MELTF: variants seen among roughly 807,000 people sequenced by gnomAD.
MELTF encodes antigen p97 (melanoma associated) identified by monoclonal antibodies 133.2 and 96.5.
A neutral mutation model predicts 83.7 loss-of-function variants in MELTF; 67 were observed. The ratio of observed to expected loss-of-function variants is 0.80; its 90% CI spans 0.66 to 0.98. The LOEUF is 0.98. MELTF is among the 50% of genes least tolerant of loss of function. The pLI is 0.00. For synonymous variants in MELTF, 462 were observed against 447.6 expected (o/e 1.03, Z -0.41); for missense variants, 1,002 against 1,035.6 (o/e 0.97, Z 0.44).
At position 197,026,686 on chromosome 3, in the gene MELTF, G is replaced by T; in HGVS notation, c.278C>A (p.Pro93Gln). The change falls in exon 3 of 16, where the codon CCG (proline) becomes CAG (glutamine). Residue 93 changes from proline (P) to glutamine (Q), a missense_variant. By Grantham distance (76) the Pro-to-Gln change is moderately conservative (BLOSUM62 -1). Coordinates refer to ENST00000296350, the MANE Select transcript of MELTF (RefSeq NM_005929.6). ...TTGATCGTACACTTCGCCCACCACC[G>T]GCTTCAGGCCGTGCTCCTTTCCCGC... The part of the protein sequence containing the change: ...YEAGKEHGLK[P>Q]VVGEVYDQEV... 1 of 1,613,454 alleles carries T rather than the reference G, an allele frequency of 6.2e-7. No individual in the cohort carries two copies. The highest frequency in any genetic ancestry group is 1.3e-5 in the African/African-American group (1 of 75,070).
chr3:197,026,004 G>A (rs1251583008), intron 3 of MELTF: 1 of 152,716 alleles, frequency 6.5e-6, no homozygotes, highest in Non-Finnish European at 1.5e-5. Flanking sequence ...GCCAAGCAGA[G>A]GTGGCGGGGG....
At chr3:197,018,661 G>C (rs771039302) in intron 6 of MELTF, among the ~76,000 whole-genome samples, 1 of 151,764 alleles carries the variant, frequency 6.6e-6, no homozygotes, top group Non-Finnish European at 1.5e-5. Flanking sequence ...TGGCCAGGCC[G>C]GTCTTGAACC....
chr3:197,017,283 C>G lies in MELTF; in HGVS notation c.720G>C (p.Thr240=), dbSNP rs375237562. ...STVLENTDGK[T]LPSWGQALLS... ...GCAGGGCCTGGCCCCAGGAGGGAAGCGTCTTCCCTGGGAAGCAGGAAGCCT... is the reference window on the plus strand; with the variant it reads ...GCAGGGCCTGGCCCCAGGAGGGAAGGGTCTTCCCTGGGAAGCAGGAAGCCT... The change falls in exon 7 of 16, where the codon ACG becomes ACC. Residue 240 remains threonine (T), a synonymous_variant. Coordinates refer to ENST00000296350, the MANE Select transcript of MELTF (RefSeq NM_005929.6). 5 of 1,548,868 alleles carry G rather than the reference C, an allele frequency of 3.2e-6. No homozygotes were observed. Among genetic ancestry groups the G allele is most frequent in the Non-Finnish European group, 4.4e-6 (5 of 1,145,842 alleles).
chr3:197,014,922 A>G (rs1274796238), intron 9 of MELTF, among the ~76,000 whole-genome samples: 5 of 152,360 alleles, frequency 3.3e-5, no homozygotes, highest in Non-Finnish European at 7.3e-5. Flanking sequence ...TTATTTGTCT[A>G]TTTAGAAAAA....
chr3:197,015,100 G>C (rs1719312861), intron 9 of MELTF, among the ~76,000 whole-genome samples: 1 of 152,190 alleles, frequency 6.6e-6, no homozygotes, highest in African/African-American at 2.4e-5. Context: ...TTAGTGAGGA[G>C]CTCCCAGGCT....
rs1170687680 is a variant in MELTF, at chr3:197,004,054, C to A, written c.1984G>T (p.Asp662Tyr). ...DHNKNGFKMF[D>Y]SSNYHGQDLL... ...TCTTGGCCATGATAGTTGGAGGAGT[C>A]GAACATTTTGAACCCGTTCTTATTG... The change falls in exon 15 of 16, where the codon GAC becomes TAC. Residue 662 changes from aspartate (D) to tyrosine (Y), a missense_variant. Asp to Tyr is a radical substitution (Grantham distance 160). Coordinates refer to ENST00000296350, the MANE Select transcript of MELTF (RefSeq NM_005929.6). 6 of 1,614,014 alleles carry A rather than the reference C, an allele frequency of 3.7e-6. No individual in the cohort carries two copies. Among genetic ancestry groups the A allele is most frequent in the South Asian group, 1.1e-5 (1 of 91,076 alleles).
chr3:197,027,902 C>G lies in MELTF; in HGVS notation c.58G>C (p.Gly20Arg), dbSNP rs1235999962. ...LLLALRTVLGGMEVRWCATSD... is the reference protein window; with the variant it reads ...LLLALRTVLGRMEVRWCATSD... ...GTGGCGCACCACCGCACCTCCATGC[C>G]ACCGAGCACTGCGGGCAGGGGACCG... The change falls in exon 2 of 16, where the codon GGC (glycine) becomes CGC (arginine). Residue 20 changes from glycine (G) to arginine (R), a missense_variant. Coordinates refer to ENST00000296350, the MANE Select transcript of MELTF (RefSeq NM_005929.6). 1 of 1,589,350 alleles carries G rather than the reference C, an allele frequency of 6.3e-7. No individual in the cohort carries two copies. Among genetic ancestry groups the G allele is most frequent in the South Asian group, 1.1e-5 (1 of 89,678 alleles).
Position 197,008,136 on chromosome 3 carries a change from C to G in MELTF, c.1750+521G>C, listed in dbSNP as rs1719044810. On this transcript the variant is annotated intron_variant, in intron 13 of 15. Transcript: ENST00000296350. This position sits in a 1 kb window ranked among gnomAD's most constrained non-coding sequence, Gnocchi z 5.4. ...TCCCGGAGCAGAGCGTTCCTGAGCT[C>G]TTTGTCCCAGGCGGAGCCCAGGAAG... 6.6e-6 allele frequency among the ~76,000 whole-genome samples: 1 copy of G among 152,172 alleles called. No individual in the cohort carries two copies. The highest frequency in any genetic ancestry group is 1.5e-5 in the Non-Finnish European group (1 of 68,032).
rs951309406 is a variant in MELTF, at chr3:197,002,864, C to G, written c.*508G>C. 6.6e-6 allele frequency: 1 copy of G among 152,030 alleles called. No individual in the cohort carries two copies. The highest frequency in any genetic ancestry group is 1.5e-5 in the Non-Finnish European group (1 of 67,962). 9.4% of individuals were successfully genotyped at this position (152,030 alleles called of 1,614,324 possible). On this transcript the variant is annotated 3_prime_UTR_variant, in exon 16 of 16. Coordinates refer to ENST00000296350, the MANE Select transcript of MELTF (RefSeq NM_005929.6). ...CCCGCGGGCGAAGGCTTCTCCCCGT[C>G]GCCCCGGTCCGGCCTCCCTCCCGCC...
In MELTF at chr3:197,010,186, C is replaced by A. The variant is rs557449617; in HGVS notation, c.1331-374G>T. 5.3e-5 allele frequency among the ~76,000 whole-genome samples: 8 copies of A among 152,354 alleles called. No homozygotes were observed. In the East Asian group the frequency reaches 1.5e-3, roughly 29 times the overall value. ...CTACAGCCCAGAGATTGCTCACACC[C>A]AGGTGGAAGGGACCCAGGCCTCTGA... On this transcript the variant is annotated intron_variant, in intron 10 of 15. Coordinates refer to ENST00000296350, the MANE Select transcript of MELTF (RefSeq NM_005929.6).
chr3:197,027,752 T>C lies in MELTF; in HGVS notation c.204+4A>G. 3 of 1,603,818 alleles carry C rather than the reference T, an allele frequency of 1.9e-6. No homozygotes were observed. The highest frequency in any genetic ancestry group is 2.6e-6 in the Non-Finnish European group (3 of 1,173,910). ...TCTGGCAGGGTGGAAGGGAGAGGAC[T>C]CACCGCGATGAGCTGGACGCAGTGG... On this transcript the variant is annotated splice_donor_region_variant and intron_variant, in intron 2 of 15. Coordinates refer to ENST00000296350, the MANE Select transcript of MELTF (RefSeq NM_005929.6).
intron 6 of MELTF, chr3:197,019,574 A>C: frequency 6.3e-7 from 1 of 1,581,132 alleles, no homozygotes; most frequent in Non-Finnish European, 8.7e-7. Context: ...CCCCATCTCA[A>C]AAAAAACCCC....
intron 14 of MELTF, 185 bp from the exon 15 acceptor site, chr3:197,004,284 G>A (rs1344639300): frequency 3.1e-6 from 2 of 641,008 alleles, no homozygotes; most frequent in African/African-American, 1.8e-5. Context: ...CCAAGCGGGT[G>A]TGGGGACACT....
At chr3:197,014,176 TA>T (rs1272025288) in intron 9 of MELTF, among the ~76,000 whole-genome samples, 1 of 152,002 alleles carries the variant, frequency 6.6e-6, no homozygotes, top group Non-Finnish European at 1.5e-5. Flanking sequence ...TATTTAGCCA[TA>T]AAAAAGAATG....
intron 2 of MELTF, 93 bp downstream of exon 2, chr3:197,027,663 A>C (rs1719912014): frequency 7.0e-7 from 1 of 1,421,964 alleles, no homozygotes; most frequent in Non-Finnish European, 9.5e-7. Flanking sequence ...TGGCAGGGCG[A>C]GGTCGGCTCC....
intron 10 of MELTF, 71 bp downstream of exon 10, chr3:197,010,627 G>T: frequency 7.6e-7 from 1 of 1,319,666 alleles, no homozygotes; most frequent in Non-Finnish European, 1.1e-6. Context: ...TGGCTGAGGG[G>T]GGCACTCTTT....
rs1289491383 is a variant in MELTF, at chr3:197,022,761, T to C, written c.644+196A>G. Reference sequence around the variant, plus strand: ...CAAACACGTTGATTTCATGAGCAAATCCGGTTTGGCATATTCCAGCTGGAT... The same window carrying C: ...CAAACACGTTGATTTCATGAGCAAACCCGGTTTGGCATATTCCAGCTGGAT... On this transcript the variant is annotated intron_variant, in intron 5 of 15. Coordinates refer to ENST00000296350, the MANE Select transcript of MELTF (RefSeq NM_005929.6). This position sits in a 1 kb window ranked among gnomAD's most constrained non-coding sequence, Gnocchi z 5.1. 1.3e-5 allele frequency among the ~76,000 whole-genome samples: 2 copies of C among 152,130 alleles called. No homozygotes were observed. The highest frequency in any genetic ancestry group is 3.8e-4 in the East Asian group (2 of 5,200).
At position 197,002,464 on chromosome 3, in the gene MELTF, C is replaced by T. The variant is rs1309876644; in HGVS notation, c.*908G>A. 3 of 152,214 alleles carry T rather than the reference C, an allele frequency of 2.0e-5. No homozygotes were observed. Among genetic ancestry groups the T allele is most frequent in the Non-Finnish European group, 4.4e-5 (3 of 68,088 alleles). 9.4% of individuals were successfully genotyped at this position (152,214 alleles called of 1,614,324 possible). A position where few individuals can be genotyped will look rare whatever the true frequency, so the allele number is the denominator to read the frequency against. ...GCACGGGGAGTGAGGGGTCCCCAGG[C>T]CCAGCGGGTGCGGGGCCGGGTGAGG... On this transcript the variant is annotated 3_prime_UTR_variant, in exon 16 of 16. Transcript: ENST00000296350.
chr3:197,004,117 A>T lies in MELTF; in HGVS notation c.1939-18T>A. 1 of 1,613,504 alleles carries T rather than the reference A, an allele frequency of 6.2e-7. No individual in the cohort carries two copies. The highest frequency in any genetic ancestry group is 8.5e-7 in the Non-Finnish European group (1 of 1,179,556). On this transcript the variant is annotated intron_variant, in intron 14 of 15. Coordinates refer to ENST00000296350, the MANE Select transcript of MELTF (RefSeq NM_005929.6). Reference sequence around the variant, plus strand: ...AACAGGTCCTGGAAGCACCGCAGGCAGACGACCTGCTCCTCACTGGGCTCA... The same window carrying T: ...AACAGGTCCTGGAAGCACCGCAGGCTGACGACCTGCTCCTCACTGGGCTCA...
Sources: gnomAD v4.1 joint callset for allele counts (sites outside exome capture counted in the v4.1 genomes callset) on GRCh38, gnomAD v4.1.1 for gene constraint, Gnocchi (gnomAD v3.1) non-coding constraint, MANE v1.5 for transcripts, NCBI Gene and HGNC (gene_info 2026-07-23, HGNC 2026-07-21) for gene names.